ODAD2: variants seen among roughly 807,000 people sequenced by gnomAD.
ODAD2 encodes outer dynein arm docking complex subunit 2, also known as outer dynein arm-docking complex subunit 2.
In ODAD2, 89 loss-of-function variants were observed where a neutral mutation model predicts 106.8. That is an observed-to-expected ratio of 0.83 (90% confidence interval 0.70 to 0.99). The LOEUF (loss-of-function observed/expected upper bound fraction) is 0.99, where lower values mean the gene tolerates loss of function less well. Among genes scored for constraint, ODAD2 ranks in the 50% least tolerant of loss-of-function variants. The pLI is 0.00. For synonymous variants in ODAD2, 404 were observed against 436.2 expected, an observed-to-expected ratio of 0.93 and a Z score of 0.92; for missense variants, 1,168 against 1,238.5, an observed-to-expected ratio of 0.94 and a Z score of 0.85.
At chr10:27,820,685 G>T (rs763518342) in intron 19 of ODAD2, among the ~76,000 whole-genome samples, 8 of 150,412 alleles carry the variant, frequency 5.3e-5, no homozygotes, top group Non-Finnish European at 1.2e-4. Flanking sequence ...TTTGCCTTAA[G>T]TTTCTCACAT....
At chr10:27,852,353 C>T (rs1439823345) in intron 19 of ODAD2, among the ~76,000 whole-genome samples, 1 of 152,084 alleles carries the variant, frequency 6.6e-6, no homozygotes. Context: ...TACAGTTGAG[C>T]TTATAACACT....
At chr10:27,940,175 ATG>A (rs777594102) in intron 13 of ODAD2, among the ~76,000 whole-genome samples, 168 bp from the exon 14 acceptor site, 1 of 151,932 alleles carries the variant, frequency 6.6e-6, no homozygotes, top group Non-Finnish European at 1.5e-5. Context: ...ATATACACAT[ATG>A]TGTGTTTGTG....
chr10:27,872,568 G>A (rs1840981461), intron 17 of ODAD2, among the ~76,000 whole-genome samples: 1 of 152,112 alleles, frequency 6.6e-6, no homozygotes, highest in African/African-American at 2.4e-5. Flanking sequence ...AGCATGAAGT[G>A]CTGTTGAATT....
At chr10:27,903,586 C>T (rs945670203) in intron 17 of ODAD2, among the ~76,000 whole-genome samples, 1 of 152,166 alleles carries the variant, frequency 6.6e-6, no homozygotes, top group South Asian at 2.1e-4. Flanking sequence ...AAGCTGATAA[C>T]CAACTTCAGC....
intron 18 of ODAD2, among the ~76,000 whole-genome samples, chr10:27,861,533 T>G (rs1564438554): frequency 6.6e-6 from 1 of 152,200 alleles, no homozygotes; most frequent in Non-Finnish European, 1.5e-5. Flanking sequence ...ATACTGCACT[T>G]AACTGGGATA....
At chr10:27,999,604 C>T (rs944883754), upstream of ODAD2, among the ~76,000 whole-genome samples, 5 of 151,772 alleles carry the variant, frequency 3.3e-5, no homozygotes, top group Non-Finnish European at 7.4e-5. Flanking sequence ...TTGACCCCAC[C>T]TCTAGACACC....
intron 17 of ODAD2, among the ~76,000 whole-genome samples, chr10:27,870,312 G>A (rs1840767196): frequency 6.6e-6 from 1 of 152,012 alleles, no homozygotes; most frequent in Non-Finnish European, 1.5e-5. Flanking sequence ...GTTTCCTAAA[G>A]TGCCAGATTC....
chr10:27,863,464 T>C (rs1840218168), intron 17 of ODAD2, among the ~76,000 whole-genome samples: 1 of 152,226 alleles, frequency 6.6e-6, no homozygotes, highest in African/African-American at 2.4e-5. Context: ...TCTCTGTGCA[T>C]GTCCAAGAAT....
intron 10 of ODAD2, among the ~76,000 whole-genome samples, chr10:27,948,247 AT>A (rs35594396): frequency 2.0e-5 from 3 of 151,394 alleles, no homozygotes; most frequent in African/African-American, 4.8e-5. Flanking sequence ...GGCTTGAGGG[AT>A]TTTTTTTTAG....
At chr10:27,822,539 G>A (rs776675146) in intron 19 of ODAD2, among the ~76,000 whole-genome samples, 31 of 152,182 alleles carry the variant, frequency 2.0e-4, no homozygotes, top group East Asian at 7.7e-4. Context: ...GACTGTGTCC[G>A]CCTATGGAAT....
intron 8 of ODAD2, among the ~76,000 whole-genome samples, chr10:27,969,828 G>C (rs1254664064): frequency 6.6e-6 from 1 of 152,136 alleles, no homozygotes; most frequent in East Asian, 1.9e-4. Flanking sequence ...AAAGTGGGCT[G>C]GGTGCAGTGG....
chr10:27,971,335 A>C (rs1261521695), intron 7 of ODAD2, 22 bp from the exon 8 acceptor site: 2 of 1,545,128 alleles, frequency 1.3e-6, no homozygotes, highest in Non-Finnish European at 1.8e-6. Flanking sequence ...AAATGAGAAT[A>C]ATTTTTAATG....
At chr10:27,903,554 C>T (rs1000890153) in intron 17 of ODAD2, among the ~76,000 whole-genome samples, 2 of 150,284 alleles carry the variant, frequency 1.3e-5, no homozygotes, top group Admixed American at 6.7e-5. Flanking sequence ...GAAAACCCAT[C>T]GTCTCAGCCG....
intron 16 of ODAD2, among the ~76,000 whole-genome samples, chr10:27,934,631 T>C (rs1303880147): frequency 6.6e-6 from 1 of 152,048 alleles, no homozygotes; most frequent in African/African-American, 2.4e-5. Context: ...TCAAAATACA[T>C]TTGCTGAATA....
intron 19 of ODAD2, among the ~76,000 whole-genome samples, chr10:27,827,088 C>T (rs1837103298): frequency 6.6e-6 from 1 of 152,140 alleles, no homozygotes; most frequent in Admixed American, 6.6e-5. Context: ...TGGTCATGCT[C>T]TTGTGCTTAA....
intron 16 of ODAD2, among the ~76,000 whole-genome samples, chr10:27,927,278 C>G (rs1353074523): frequency 6.6e-6 from 1 of 152,012 alleles, no homozygotes; most frequent in Non-Finnish European, 1.5e-5. Flanking sequence ...TATGTTTATC[C>G]TGATATGTGA....
Position 27,983,874 on chromosome 10 carries a change from G to A in ODAD2, c.788C>T (p.Thr263Ile). 6.2e-7 allele frequency: 1 copy of A among 1,612,994 alleles called. No homozygotes were observed. The highest frequency in any genetic ancestry group is 8.5e-7 in the Non-Finnish European group (1 of 1,179,690). Residue 263 changes from threonine to isoleucine, a missense_variant, in exon 6 of 20, where the codon ACT (threonine) becomes ATT (isoleucine). Physicochemically the swap from Thr to Ile is moderately conservative, Grantham distance 89. Transcript: ENST00000305242. ...TAAAAATACTCCTCCTGCACTGCAA[G>A]TAATGCACAGAGTCTCACCATCGTG... ...KPHDGETLCI[T>I]CSAGGVFLNG...
intron 19 of ODAD2, among the ~76,000 whole-genome samples, chr10:27,838,498 C>T (rs1040215666): frequency 1.3e-5 from 2 of 152,184 alleles, no homozygotes; most frequent in African/African-American, 4.8e-5. Context: ...TAAAGACTGA[C>T]TGCACTCTAA....
intron 16 of ODAD2, among the ~76,000 whole-genome samples, chr10:27,929,971 T>C (rs1845502397): frequency 6.6e-6 from 1 of 152,180 alleles, no homozygotes; most frequent in Admixed American, 6.5e-5. Context: ...CTTAAGATCA[T>C]ATTCCATTGG....
Sources: allele counts gnomAD v4.1 joint callset (sites outside exome capture counted in the v4.1 genomes callset), GRCh38; gene constraint gnomAD v4.1.1; transcripts MANE v1.5; gene names NCBI Gene and HGNC (gene_info 2026-07-23, HGNC 2026-07-21).